Variants in CCDC141 observed in about 807,000 individuals in gnomAD.
CCDC141 encodes coiled-coil domain containing 141.
Under a neutral mutation model 181.0 loss-of-function variants are expected in CCDC141, and 168 were observed. That is an observed-to-expected ratio of 0.93 (90% CI 0.82 to 1.05). The LOEUF (loss-of-function observed/expected upper bound fraction) is 1.05. CCDC141 is among the 50% of genes least tolerant of loss of function. The probability of loss-of-function intolerance (pLI) is 0.00; values close to 1 mark genes in which losing one functional copy is unlikely to be tolerated. For synonymous variants in CCDC141, 666 were observed against 642.3 expected, an observed-to-expected ratio of 1.04 and a Z score of -0.56; for missense variants, 1,902 against 1,788.5, an observed-to-expected ratio of 1.06 and a Z score of -1.14.
rs760974115 is a variant in CCDC141 at position 178,886,834 on chromosome 2, GA to G, written c.1444del (p.Ser482LeufsTer17). The G allele has an allele frequency of 1.4e-6, 2 of 1,464,610 alleles. No homozygotes were observed. The highest frequency in any genetic ancestry group is 2.7e-5 in the East Asian group (1 of 37,132). The allele number at this position is 1,464,610 out of a possible 1,614,324, so 90.7% of individuals were successfully genotyped here. ...MSIQKISPVL[S>X]NAMDVGSTRS... ...GGTAGAACCAACATCCATTGCATTA[GA>G]AAGTACTGGACTGATTTTCTGAATT... On this transcript the variant is annotated frameshift_variant, in exon 10 of 24. Transcript: ENST00000443758. LOFTEE classifies it high-confidence loss of function.
chr2:178,884,866 A>G, intron 11 of CCDC141, 35 bp downstream of exon 11: 1 of 1,515,948 alleles, frequency 6.6e-7, no homozygotes, highest in Middle Eastern at 1.7e-4. Flanking sequence ...GGCAGTGGCC[A>G]CCTTGCTGAA....
At chr2:178,996,458 T>G (rs1692292486) in intron 2 of CCDC141, among the ~76,000 whole-genome samples, 1 of 152,148 alleles carries the variant, frequency 6.6e-6, no homozygotes, top group African/African-American at 2.4e-5. Flanking sequence ...GAAAACCAGG[T>G]AAACATGTAA....
intron 8 of CCDC141, among the ~76,000 whole-genome samples, chr2:178,891,236 T>C (rs936256205): frequency 6.6e-6 from 1 of 152,192 alleles, no homozygotes; most frequent in African/African-American, 2.4e-5. Flanking sequence ...GAGCTCTTAC[T>C]GTGATAAGGC....
Position 178,832,917 on chromosome 2 carries a change from T to C in CCDC141, c.*1256A>G, listed in dbSNP as rs947007926. 2.0e-5 allele frequency: 3 copies of C among 152,154 alleles called. No homozygotes were observed. Among genetic ancestry groups the C allele is most frequent in the African/African-American group, 7.2e-5 (3 of 41,446 alleles). The allele number at this position is 152,154 out of a possible 1,614,324, so 9.4% of individuals were successfully genotyped here. On this transcript the variant is annotated 3_prime_UTR_variant, in exon 24 of 24. Coordinates refer to ENST00000443758, the MANE Select transcript of CCDC141 (RefSeq NM_173648.4). ...AAATGATCTTTTCTGAATAAAGTGT[T>C]TCAGAAAGGCATAGAATACTTCAAT...
At chr2:178,824,617 CA>C in the CCDC141 span, among the ~76,000 whole-genome samples, 1,573 of 52,208 alleles carry the variant, frequency 0.03, 16 homozygotes, top group East Asian at 0.12. Context: ...GAGACTTCGT[CA>C]AAAAAAAAAA....
Position 179,016,990 on chromosome 2 carries a change from C to T in CCDC141, c.225+30294G>A, listed in dbSNP as rs544181591. 2.6e-5 allele frequency among the ~76,000 whole-genome samples: 4 copies of T among 151,864 alleles called. No homozygotes were observed. In the East Asian group the frequency reaches 7.7e-4, roughly 29 times the overall value. ...GCTTCAAGAAGTGTTTTTTCTTTTT[C>T]TTCTTATTTTTTTAATAGAGGAGGG... is the stretch of plus-strand genomic sequence containing the variant. On this transcript the variant is annotated intron_variant, in intron 2 of 23. Coordinates refer to ENST00000443758, the MANE Select transcript of CCDC141 (RefSeq NM_173648.4).
At chr2:179,028,929 C>A (rs2042929618) in intron 2 of CCDC141, among the ~76,000 whole-genome samples, 1 of 152,094 alleles carries the variant, frequency 6.6e-6, no homozygotes, top group African/African-American at 2.4e-5. Flanking sequence ...TAAATCTACC[C>A]CCGCTTTAAA....
chr2:178,987,911 A>C (rs1402007051), intron 2 of CCDC141, among the ~76,000 whole-genome samples: 51 of 143,236 alleles, frequency 3.6e-4, no homozygotes, highest in East Asian at 8.0e-4. Flanking sequence ...GTCAGTGTGG[A>C]GATTCCTCAG....
At chr2:178,935,506 T>G (rs1689250508) in intron 6 of CCDC141, among the ~76,000 whole-genome samples, 1 of 152,220 alleles carries the variant, frequency 6.6e-6, no homozygotes, top group Admixed American at 6.6e-5. Flanking sequence ...TACCACATTT[T>G]CTTTATTCAA....
At chr2:178,939,580 G>A (rs1689425443) in intron 6 of CCDC141, among the ~76,000 whole-genome samples, 1 of 152,076 alleles carries the variant, frequency 6.6e-6, no homozygotes, top group Non-Finnish European at 1.5e-5. Context: ...CTAATCAGAT[G>A]GATAGTTGAT....
intron 22 of CCDC141, among the ~76,000 whole-genome samples, chr2:178,838,517 A>G (rs1684585996): frequency 6.6e-6 from 1 of 152,070 alleles, no homozygotes; most frequent in South Asian, 2.1e-4. Flanking sequence ...GACTAGTTTT[A>G]TTTTCTTGAA....
rs188485094 is a variant in CCDC141 at position 178,969,803 on chromosome 2, G to C, written c.526+5254C>G. On this transcript the variant is annotated intron_variant, in intron 4 of 23. Coordinates refer to ENST00000443758, the MANE Select transcript of CCDC141 (RefSeq NM_173648.4). ...AGTCAGGCAAGAGAAAGAAATAAAC[G>C]GTATTCAAATAGGAAGAGAAGAAGT... Among the ~76,000 whole-genome samples, 56 of 152,206 alleles carry C rather than the reference G, an allele frequency of 3.7e-4. No individual in the cohort carries two copies. In the East Asian group the frequency reaches 0.011, roughly 29 times the overall value.
intron 8 of CCDC141, among the ~76,000 whole-genome samples, chr2:178,898,706 G>A (rs1687531520): frequency 6.6e-6 from 1 of 152,082 alleles, no homozygotes; most frequent in South Asian, 2.1e-4. Flanking sequence ...GTGTAAGTCT[G>A]TTCCTAATAA....
At position 178,833,245 on chromosome 2, in the gene CCDC141, T is replaced by A. The variant is rs948095118; in HGVS notation, c.*928A>T. On this transcript the variant is annotated 3_prime_UTR_variant, in exon 24 of 24. Coordinates refer to ENST00000443758, the MANE Select transcript of CCDC141 (RefSeq NM_173648.4). The stretch of plus-strand genomic sequence containing the variant: ...TCTGATGACAAATTACATTAAACAA[T>A]ATCATTATCCTTAGCCCTCAGTGTT... 3.9e-5 allele frequency: 6 copies of A among 152,184 alleles called. No individual in the cohort carries two copies. Among genetic ancestry groups the A allele is most frequent in the Non-Finnish European group, 5.9e-5 (4 of 68,028 alleles). The allele number at this position is 152,184 out of a possible 1,614,324, so 9.4% of individuals were successfully genotyped here.
chr2:178,977,948 T>C (rs1261308681), intron 3 of CCDC141, among the ~76,000 whole-genome samples: 4 of 152,228 alleles, frequency 2.6e-5, no homozygotes, highest in Admixed American at 6.5e-5. Flanking sequence ...TTTTTCCTTC[T>C]CTTGTATTGT....
rs140214049 is a variant in CCDC141 at position 179,010,692 on chromosome 2, C to T, written c.226-32017G>A. ...TCATGGAAACACAACAAAACAGAAC[C>T]TCTTTAAAGCATAAATCACATAGGA... On this transcript the variant is annotated intron_variant, in intron 2 of 23. Transcript: ENST00000443758. 2.5e-3 allele frequency among the ~76,000 whole-genome samples: 373 copies of T among 152,210 alleles called. 2 individuals carry two copies. The highest frequency in any genetic ancestry group is 0.012 in the East Asian group (61 of 5,182).
chr2:178,914,552 C>A (rs1688357634), intron 7 of CCDC141, among the ~76,000 whole-genome samples: 1 of 152,160 alleles, frequency 6.6e-6, no homozygotes, highest in African/African-American at 2.4e-5. Flanking sequence ...AATCATCAAA[C>A]CCTAGCAGAA....
intron 2 of CCDC141, among the ~76,000 whole-genome samples, chr2:179,013,502 A>G (rs193078277): frequency 1.4e-3 from 209 of 152,288 alleles, no homozygotes; most frequent in African/African-American, 4.2e-3. Flanking sequence ...ATACTCATGG[A>G]TGGGTAGAAT....
intron 7 of CCDC141, among the ~76,000 whole-genome samples, chr2:178,914,675 T>A (rs923809958): frequency 1.4e-4 from 21 of 152,342 alleles, no homozygotes; most frequent in South Asian, 1.0e-3. Flanking sequence ...ACAAATTTTG[T>A]AAGTTTTGTT....
Sources: allele counts gnomAD v4.1 joint callset (sites outside exome capture counted in the v4.1 genomes callset), GRCh38; gene constraint gnomAD v4.1.1; transcripts MANE v1.5; gene names NCBI Gene and HGNC (gene_info 2026-07-23, HGNC 2026-07-21).